Variants in KIF11 observed in about 807,000 individuals in gnomAD.
The protein encoded by KIF11 is kinesin-like protein KIF11.
In KIF11, 9 loss-of-function variants were observed where a neutral mutation model predicts 121.0. The observed-to-expected ratio is 0.07, with a 90% CI of 0.04 to 0.13. The LOEUF is 0.13. Among genes scored for constraint, KIF11 ranks in the 10% least tolerant of loss-of-function variants. KIF11 has a pLI of 1.00. For synonymous variants in KIF11, 408 were observed against 421.0 expected, an observed-to-expected ratio of 0.97 and a Z score of 0.38; for missense variants, 846 against 1,217.5, an observed-to-expected ratio of 0.69 and a Z score of 4.54.
intron 17 of KIF11, among the ~76,000 whole-genome samples, chr10:92,643,575 G>A (rs1316412743): frequency 5.1e-5 from 2 of 39,048 alleles, no homozygotes; most frequent in Non-Finnish European, 9.1e-5. Flanking sequence ...TTTTTTTTTT[G>A]AGAGGGAGTC....
Position 92,654,571 on chromosome 10 carries a change from A to C in KIF11, c.*775A>C, listed in dbSNP as rs960642015. The stretch of plus-strand genomic sequence containing the variant: ...ACTTTCTCCCTTTTTATTTTTCACC[A>C]AACCATTTGTAGAGCTACAAAAGGT... On this transcript the variant is annotated 3_prime_UTR_variant, in exon 22 of 22. Coordinates refer to ENST00000260731, the MANE Select transcript of KIF11 (RefSeq NM_004523.4). The C allele has an allele frequency of 6.6e-6, 1 of 152,160 alleles. No homozygotes were observed. The highest frequency in any genetic ancestry group is 2.1e-4 in the South Asian group (1 of 4,824). 9.4% of individuals were successfully genotyped at this position (152,160 alleles called of 1,614,324 possible).
intron 17 of KIF11, among the ~76,000 whole-genome samples, chr10:92,644,289 C>T (rs555893330): frequency 3.9e-5 from 6 of 152,182 alleles, no homozygotes; most frequent in African/African-American, 9.6e-5. Flanking sequence ...AACTCAATCT[C>T]GTCTTCCCAT....
chr10:92,611,953 A>G (rs1420322803), intron 6 of KIF11, among the ~76,000 whole-genome samples: 1 of 152,194 alleles, frequency 6.6e-6, no homozygotes, highest in East Asian at 1.9e-4. Context: ...TACAAAGAAG[A>G]AAATTGAAAC....
chr10:92,620,275 T>A (rs1815554548), intron 9 of KIF11, among the ~76,000 whole-genome samples: 1 of 151,946 alleles, frequency 6.6e-6, no homozygotes, highest in Admixed American at 6.6e-5. Context: ...AGAGACAGGG[T>A]TTCACCATGT....
At chr10:92,602,207 T>C (rs936875316) in intron 1 of KIF11, among the ~76,000 whole-genome samples, 3 of 152,174 alleles carry the variant, frequency 2.0e-5, no homozygotes, top group Non-Finnish European at 4.4e-5. Flanking sequence ...TAAGGGATAG[T>C]GATCTGTAGT....
intron 6 of KIF11, 103 bp downstream of exon 6, chr10:92,609,612 A>AC: frequency 4.6e-6 from 5 of 1,083,956 alleles, no homozygotes; most frequent in Non-Finnish European, 5.3e-6. Flanking sequence ...TGGGTCACGT[A>AC]CCTAGAGTTT....
chr10:92,631,245 G>C (rs2135915291), intron 12 of KIF11, among the ~76,000 whole-genome samples: 1 of 142,618 alleles, frequency 7.0e-6, no homozygotes, highest in South Asian at 2.3e-4. Flanking sequence ...AGTGAACCGA[G>C]ATCATGCCAC....
intron 10 of KIF11, among the ~76,000 whole-genome samples, chr10:92,623,861 A>G (rs189491373): frequency 1.3e-5 from 2 of 152,174 alleles, no homozygotes; most frequent in African/African-American, 2.4e-5. Context: ...GTTTAGTCCC[A>G]TGATTGAAAA....
At chr10:92,650,377 C>T (rs1196522626) in intron 20 of KIF11, 24 bp from the exon 21 acceptor site, 5 of 1,361,384 alleles carry the variant, frequency 3.7e-6, no homozygotes, top group South Asian at 1.2e-5. Flanking sequence ...TGGACTTAGT[C>T]ACTCATCCAG....
intron 21 of KIF11, among the ~76,000 whole-genome samples, chr10:92,651,548 T>TTTTTTTTTTTGG (rs1844984273): frequency 8.5e-6 from 1 of 117,108 alleles, no homozygotes. Context: ...TTTTTTTTTT[T>TTTTTTTTTTTGG]AGTAGAGGGG....
At chr10:92,640,012 T>C in intron 17 of KIF11, 112 bp downstream of exon 17, 1 of 581,960 alleles carries the variant, frequency 1.7e-6, no homozygotes, top group South Asian at 2.2e-5. Flanking sequence ...ATTTCTCTTT[T>C]GTTAATATTT....
At chr10:92,594,038 T>G (rs1589583249) in intron 1 of KIF11, among the ~76,000 whole-genome samples, 1 of 152,172 alleles carries the variant, frequency 6.6e-6, no homozygotes, top group Non-Finnish European at 1.5e-5. Flanking sequence ...TATTTCGAGA[T>G]AAAGGGATGT....
At chr10:92,648,531 C>A in intron 19 of KIF11, 97 bp downstream of exon 19, 1 of 694,940 alleles carries the variant, frequency 1.4e-6, no homozygotes, top group Non-Finnish European at 2.4e-6. Context: ...CTGCCATTGC[C>A]TGACAGAAAT....
At chr10:92,615,962 C>G (rs1844550427) in intron 8 of KIF11, among the ~76,000 whole-genome samples, 1 of 149,256 alleles carries the variant, frequency 6.7e-6, no homozygotes, top group Admixed American at 6.7e-5. Context: ...GCCTCAGCCT[C>G]CTGAGTAGCT....
At chr10:92,617,884 T>C (rs371717886) in intron 9 of KIF11, among the ~76,000 whole-genome samples, 1 of 152,108 alleles carries the variant, frequency 6.6e-6, no homozygotes, top group South Asian at 2.1e-4. Context: ...GGACTACAGG[T>C]GTGCACCACC....
At chr10:92,616,630 A>G (rs1408196551) in intron 8 of KIF11, 107 bp from the exon 9 acceptor site, 1 of 566,274 alleles carries the variant, frequency 1.8e-6, no homozygotes, top group Non-Finnish European at 3.0e-6. Flanking sequence ...AAAATTAGAT[A>G]TAACTATAAA....
intron 3 of KIF11, among the ~76,000 whole-genome samples, 160 bp from the exon 4 acceptor site, chr10:92,606,999 A>T (rs758086202): frequency 6.6e-6 from 1 of 151,624 alleles, no homozygotes; most frequent in African/African-American, 2.4e-5. Context: ...CTGGTCTCGA[A>T]CTCCGGACCT....
At chr10:92,616,670 T>C (rs1198726008) in intron 8 of KIF11, 67 bp from the exon 9 acceptor site, 3 of 787,912 alleles carry the variant, frequency 3.8e-6, no homozygotes, top group Non-Finnish European at 6.3e-6. Context: ...ATATAACATA[T>C]TTTAGATAAC....
At chr10:92,614,029 C>T (rs759020552) in intron 8 of KIF11, among the ~76,000 whole-genome samples, 11,814 of 63,386 alleles carry the variant, frequency 0.19, 681 homozygotes, top group East Asian at 0.45. Flanking sequence ...TATACACACA[C>T]ACACACACAC....
Sources: allele counts gnomAD v4.1 joint callset (sites outside exome capture counted in the v4.1 genomes callset), GRCh38; gene constraint gnomAD v4.1.1; transcripts MANE v1.5; gene names NCBI Gene and HGNC (gene_info 2026-07-23, HGNC 2026-07-21).